The following HRNR variants were observed in gnomAD, a reference collection of about 807,000 sequenced individuals.
The protein encoded by HRNR is hornerin.
Under a neutral mutation model 4.8 loss-of-function variants are expected in HRNR, and 7 were observed. That is an observed-to-expected ratio of 1.47 (90% confidence interval 0.83 to 2.75). HRNR has a LOEUF of 2.75. Among genes scored for constraint, HRNR ranks in the 30% most tolerant of loss-of-function variants. The pLI, the probability that HRNR is intolerant of heterozygous loss-of-function variation, is 0.00. For synonymous variants in HRNR, 1,023 were observed against 1,242.7 expected, an observed-to-expected ratio of 0.82 and a Z score of 3.72; for missense variants, 2,879 against 3,010.4, an observed-to-expected ratio of 0.96 and a Z score of 1.02.
rs150171173 is a variant in HRNR, at chr1:152,218,641, G to A, written c.2988C>T (p.His996=). Residue 996 remains histidine, a synonymous_variant, in exon 3 of 3, where the codon CAC becomes CAT. Coordinates refer to ENST00000368801, the MANE Select transcript of HRNR (RefSeq NM_001009931.3). ...HGSGSRQSLG[H]GQHGSGSGQS... is the part of the protein sequence containing the mutation. ...GGCCAGATCCAGACCCATGTTGGCC[G>A]TGGCCCAAAGACTGACGGGAGCCAG... 6.9e-5 allele frequency: 112 copies of A among 1,612,478 alleles called. No homozygotes were observed. The highest frequency in any genetic ancestry group is 3.3e-4 in the Middle Eastern group (2 of 6,048).
chr1:152,220,700 A>T lies in HRNR; in HGVS notation c.929T>A (p.Val310Asp). The T allele has an allele frequency of 6.2e-7, 1 of 1,611,294 alleles. No homozygotes were observed. The highest frequency in any genetic ancestry group is 8.5e-7 in the Non-Finnish European group (1 of 1,179,054). ...GTGCCCCGAACCGGACCCATGTCGGACGTGGCTAGGAGACTGGCGAGATCC... is the reference window on the plus strand; with the variant it reads ...GTGCCCCGAACCGGACCCATGTCGGTCGTGGCTAGGAGACTGGCGAGATCC... Reference protein sequence around the residue: ...GSGSRQSPSHVRHGSGSGHSS... With the variant: ...GSGSRQSPSHDRHGSGSGHSS... The change falls in exon 3 of 3, where the codon GTC (valine) becomes GAC (aspartate). Residue 310 changes from valine to aspartate, a missense_variant. Around this residue, in one of 8 missense-constraint regions of HRNR, gnomAD observed 2,646 missense variants for 1,377.7 expected, o/e 1.92. Transcript: ENST00000368801.
At position 152,220,649 on chromosome 1, in the gene HRNR, G is replaced by T. The variant is rs377246304; in HGVS notation, c.980C>A (p.Ser327Tyr). 6.2e-7 allele frequency: 1 copy of T among 1,612,190 alleles called. No individual in the cohort carries two copies. The highest frequency in any genetic ancestry group is 8.5e-7 in the Non-Finnish European group (1 of 1,178,656). Residue 327 changes from serine to tyrosine, a missense_variant, in exon 3 of 3, where the codon TCT (serine) becomes TAT (tyrosine). Ser to Tyr is a moderately radical substitution (Grantham distance 144). This residue lies in a region of HRNR where 2,646 missense variants were observed against 1,377.7 expected (regional missense o/e 1.92). Transcript: ENST00000368801. ...GHSSSHGQHG[S>Y]GSSYSYSRGH... ...ACGGCTGTAAGAGTAACTTGAGCCA[G>T]ACCCGTGTTGGCCGTGGCTGGAGGA... is the stretch of plus-strand genomic sequence containing the variant.
At chr1:152,222,183 G>A (rs1649025004) in intron 2 of HRNR, among the ~76,000 whole-genome samples, 1 of 152,138 alleles carries the variant, frequency 6.6e-6, no homozygotes, top group East Asian at 1.9e-4. Flanking sequence ...ATGAACAAAG[G>A]GCTAGAGGTG....
chr1:152,219,258 G>C lies in HRNR; in HGVS notation c.2371C>G (p.His791Asp), dbSNP rs748525034. ...HGSSSGHSSS[H>D]GQHGSGTSCS... Reference sequence around the variant, plus strand: ...CTTGTGCCAGACCCGTGTTGGCCGTGGCTGGAGGAGTGCCCTGAACTGGAC... The same window carrying C: ...CTTGTGCCAGACCCGTGTTGGCCGTCGCTGGAGGAGTGCCCTGAACTGGAC... Residue 791 changes from histidine to aspartate, a missense_variant, in exon 3 of 3, where the codon CAC becomes GAC. Physicochemically the swap from His to Asp is moderately conservative, Grantham distance 81. Around this residue, in one of 8 missense-constraint regions of HRNR, gnomAD observed 2,646 missense variants for 1,377.7 expected, o/e 1.92. Transcript: ENST00000368801. 1.9e-6 allele frequency: 3 copies of C among 1,610,614 alleles called. No individual in the cohort carries two copies. The highest frequency in any genetic ancestry group is 3.3e-4 in the Middle Eastern group (2 of 6,028).
rs767313028 is a variant in HRNR at position 152,219,654 on chromosome 1, A to G, written c.1975T>C (p.Ser659Pro). 2 of 1,613,046 alleles carry G rather than the reference A, an allele frequency of 1.2e-6. No individual in the cohort carries two copies. Among genetic ancestry groups the G allele is most frequent in the South Asian group, 1.1e-5 (1 of 91,062 alleles). Residue 659 changes from serine (S) to proline (P), a missense_variant, in exon 3 of 3, where the codon TCT becomes CCT. Around this residue, in one of 8 missense-constraint regions of HRNR, gnomAD observed 2,646 missense variants for 1,377.7 expected, o/e 1.92. Coordinates refer to ENST00000368801, the MANE Select transcript of HRNR (RefSeq NM_001009931.3). Reference sequence around the variant, plus strand: ...GACCCATGTCGGCCGCGACTAGGAGACTGGCCAGATCCAGAGCCCTGTTGG... The same window carrying G: ...GACCCATGTCGGCCGCGACTAGGAGGCTGGCCAGATCCAGAGCCCTGTTGG... ...YGQQGSGSGQSPSRGRHGSDF... is the reference protein window; with the variant it reads ...YGQQGSGSGQPPSRGRHGSDF...
rs756150458 is a variant in HRNR, at chr1:152,220,654, G to T, written c.975C>A (p.His325Gln). ...TGTAAGAGTAACTTGAGCCAGACCC[G>T]TGTTGGCCGTGGCTGGAGGAGTGCC... ...GSGHSSSHGQ[H>Q]GSGSSYSYSR... Residue 325 changes from histidine (H) to glutamine (Q), a missense_variant, in exon 3 of 3, where the codon CAC becomes CAA. His to Gln is a conservative substitution (Grantham distance 24). Transcript: ENST00000368801. 1 of 1,612,278 alleles carries T rather than the reference G, an allele frequency of 6.2e-7. No individual in the cohort carries two copies. The highest frequency in any genetic ancestry group is 8.5e-7 in the Non-Finnish European group (1 of 1,178,820).
Position 152,223,106 on chromosome 1 carries a change from G to T in HRNR, c.138+10C>A, listed in dbSNP as rs1649052546. ...TCCTGCATAACTCCATCCTGGCGTG[G>T]AGTTCTTACCTTCAGAATTTGATGA... On this transcript the variant is annotated intron_variant, in intron 2 of 2. Coordinates refer to ENST00000368801, the MANE Select transcript of HRNR (RefSeq NM_001009931.3). 2 of 1,612,524 alleles carry T rather than the reference G, an allele frequency of 1.2e-6. No homozygotes were observed. The highest frequency in any genetic ancestry group is 1.7e-6 in the Non-Finnish European group (2 of 1,179,366).
At position 152,218,610 on chromosome 1, in the gene HRNR, G is replaced by A. The variant is rs550826521; in HGVS notation, c.3019C>T (p.Pro1007Ser). ...CCATGTCGGCCACGGCTAGGGCTAG[G>A]AGACTGGCCAGATCCAGACCCATGT... Reference protein sequence around the residue: ...GQHGSGSGQSPSPSRGRHGSG... With the variant: ...GQHGSGSGQSSSPSRGRHGSG... Residue 1007 changes from proline (P) to serine (S), a missense_variant, in exon 3 of 3, where the codon CCT (proline) becomes TCT (serine). By Grantham distance (74) the Pro-to-Ser change is moderately conservative (BLOSUM62 -1). Around this residue, in one of 8 missense-constraint regions of HRNR, gnomAD observed 2,646 missense variants for 1,377.7 expected, o/e 1.92. Transcript: ENST00000368801. 6.2e-7 allele frequency: 1 copy of A among 1,613,534 alleles called. No individual in the cohort carries two copies. The highest frequency in any genetic ancestry group is 2.2e-5 in the East Asian group (1 of 44,792).
At chr1:152,221,790 A>G (rs1355289243) in intron 2 of HRNR, among the ~76,000 whole-genome samples, 1 of 152,144 alleles carries the variant, frequency 6.6e-6, no homozygotes, top group Non-Finnish European at 1.5e-5. Context: ...TTTATAAGTA[A>G]TATGTTTTTA....
At chr1:152,221,644 CA>C (rs1649007776) in intron 2 of HRNR, among the ~76,000 whole-genome samples, 154 bp from the exon 3 acceptor site, 1 of 151,752 alleles carries the variant, frequency 6.6e-6, no homozygotes, top group Non-Finnish European at 1.5e-5. Context: ...GTATCCTGAG[CA>C]GAAAGAGAAA....
Position 152,218,486 on chromosome 1 carries a change from G to T in HRNR, c.3143C>A (p.Ser1048Tyr). ...GPYESGSGHS[S>Y]GLGHRESRSG... ...GCGAGACTCTCGGTGACCTAAGCCA[G>T]AAGAGTGACCGGAGCCAGACTCATA... is the stretch of plus-strand genomic sequence containing the variant. Residue 1048 changes from serine (S) to tyrosine (Y), a missense_variant, in exon 3 of 3, where the codon TCT (serine) becomes TAT (tyrosine). Transcript: ENST00000368801. The T allele has an allele frequency of 2.5e-6, 4 of 1,613,870 alleles. No individual in the cohort carries two copies. The highest frequency in any genetic ancestry group is 3.4e-6 in the Non-Finnish European group (4 of 1,180,002).
rs779637651 is a variant in HRNR, at chr1:152,221,311, G to T, written c.318C>A (p.His106Gln). The T allele has an allele frequency of 4.2e-5, 67 of 1,613,812 alleles. No individual in the cohort carries two copies. The highest frequency in any genetic ancestry group is 5.3e-5 in the Non-Finnish European group (62 of 1,180,006). ...VSGSKLRDDT[H>Q]QHQEEQEETE... ...TTTCTTCTTGTTCCTCTTGGTGCTGGTGAGTGTCATCTCTCAGCTTTGACC... is the reference window on the plus strand; with the variant it reads ...TTTCTTCTTGTTCCTCTTGGTGCTGTTGAGTGTCATCTCTCAGCTTTGACC... Residue 106 changes from histidine to glutamine, a missense_variant, in exon 3 of 3, where the codon CAC (histidine) becomes CAA (glutamine). Transcript: ENST00000368801.
rs757647618 is a variant in HRNR, at chr1:152,218,339, C to A, written c.3290G>T (p.Gly1097Val). The stretch of plus-strand genomic sequence containing the variant: ...ATGCTGACCGTGGCTGGAAGACTGA[C>A]CTGAGCTAGCTCCATGTTGGCCACA... Reference protein sequence around the residue: ...SSCGQHGASSGQSSSHGQHGS... With the variant: ...SSCGQHGASSVQSSSHGQHGS... Residue 1097 changes from glycine (G) to valine (V), a missense_variant, in exon 3 of 3, where the codon GGT becomes GTT. Gly to Val is a moderately radical substitution (Grantham distance 109). Coordinates refer to ENST00000368801, the MANE Select transcript of HRNR (RefSeq NM_001009931.3). The A allele has an allele frequency of 3.7e-6, 6 of 1,610,600 alleles. No homozygotes were observed. The Admixed American group carries it at 5.0e-5, about 13-fold the overall frequency.
Position 152,220,712 on chromosome 1 carries a change from G to C in HRNR, c.917C>G (p.Ser306Cys). The change falls in exon 3 of 3, where the codon TCT becomes TGT. Residue 306 changes from serine (S) to cysteine (C), a missense_variant. Ser to Cys is a moderately radical substitution (Grantham distance 112). This residue lies in a region of HRNR where 2,646 missense variants were observed against 1,377.7 expected (regional missense o/e 1.92). Transcript: ENST00000368801. ...GGACCCATGTCGGACGTGGCTAGGA[G>C]ACTGGCGAGATCCAGACCCTTGTCG... ...HGRQGSGSRQSPSHVRHGSGS... is the reference protein window; with the variant it reads ...HGRQGSGSRQCPSHVRHGSGS... 1 of 1,613,222 alleles carries C rather than the reference G, an allele frequency of 6.2e-7. No individual in the cohort carries two copies. The highest frequency in any genetic ancestry group is 8.5e-7 in the Non-Finnish European group (1 of 1,179,490).
At position 152,219,482 on chromosome 1, in the gene HRNR, T is replaced by C. The variant is rs750565447; in HGVS notation, c.2147A>G (p.His716Arg). 8.7e-6 allele frequency: 14 copies of C among 1,613,838 alleles called. No individual in the cohort carries two copies. In the South Asian group the frequency reaches 1.4e-4, roughly 16 times the overall value. The part of the protein sequence containing the change: ...GSGQSSGYSQ[H>R]GSGSSHSSGY... ...GGAGGAGTGACTTGAGCCAGATCCA[T>C]GCTGACTGTAACCAGAGGACTGCCC... is the stretch of plus-strand genomic sequence containing the variant. Residue 716 changes from histidine (H) to arginine (R), a missense_variant, in exon 3 of 3, where the codon CAT becomes CGT. Physicochemically the swap from His to Arg is conservative, Grantham distance 29 (BLOSUM62 0). Around this residue, in one of 8 missense-constraint regions of HRNR, gnomAD observed 2,646 missense variants for 1,377.7 expected, o/e 1.92. Coordinates refer to ENST00000368801, the MANE Select transcript of HRNR (RefSeq NM_001009931.3).
Position 152,220,039 on chromosome 1 carries a change from G to T in HRNR, c.1590C>A (p.His530Gln). The T allele has an allele frequency of 1.2e-6, 2 of 1,613,726 alleles. No individual in the cohort carries two copies. Among genetic ancestry groups the T allele is most frequent in the Non-Finnish European group, 1.7e-6 (2 of 1,179,884 alleles). Residue 530 changes from histidine (H) to glutamine (Q), a missense_variant, in exon 3 of 3, where the codon CAC becomes CAA. Coordinates refer to ENST00000368801, the MANE Select transcript of HRNR (RefSeq NM_001009931.3). ...HGSGSRQSLG[H>Q]SRHGSGSGQS... ...GGCCAGATCCAGACCCATGTCGGCT[G>T]TGTCCCAAAGATTGACGGGAGCCAG...
chr1:152,220,750 A>G lies in HRNR; in HGVS notation c.879T>C (p.Ser293=). The G allele has an allele frequency of 1.2e-6, 2 of 1,614,108 alleles. No individual in the cohort carries two copies. The highest frequency in any genetic ancestry group is 1.1e-5 in the South Asian group (1 of 91,090). The change falls in exon 3 of 3, where the codon TCT becomes TCC. Residue 293 remains serine (S), a synonymous_variant. Transcript: ENST00000368801. ...CAGACCCTTGTCGGCCGTGGCCCAA[A>G]GACTGACGGGAACCAGACCCATGCT... ...YGQHGSGSRQ[S]LGHGRQGSGS...
chr1:152,220,238 C>G lies in HRNR; in HGVS notation c.1391G>C (p.Gly464Ala). ...PYVSGSGYSS[G>A]FGHHESSSEH... ...TGAGCTAGACTCGTGGTGACCAAAGCCAGAAGAGTAGCCTGAACCAGACAC... is the reference window on the plus strand; with the variant it reads ...TGAGCTAGACTCGTGGTGACCAAAGGCAGAAGAGTAGCCTGAACCAGACAC... The change falls in exon 3 of 3, where the codon GGC becomes GCC. Residue 464 changes from glycine to alanine, a missense_variant. Gly to Ala is a moderately conservative substitution (Grantham distance 60). Coordinates refer to ENST00000368801, the MANE Select transcript of HRNR (RefSeq NM_001009931.3). 6.2e-7 allele frequency: 1 copy of G among 1,613,534 alleles called. No homozygotes were observed. Among genetic ancestry groups the G allele is most frequent in the Non-Finnish European group, 8.5e-7 (1 of 1,179,658 alleles).
chr1:152,218,803 A>G lies in HRNR; in HGVS notation c.2826T>C (p.Ser942=). 2.5e-6 allele frequency: 4 copies of G among 1,613,726 alleles called. No homozygotes were observed. Among genetic ancestry groups the G allele is most frequent in the South Asian group, 1.1e-5 (1 of 91,048 alleles). The change falls in exon 3 of 3, where the codon TCT becomes TCC. Residue 942 remains serine (S), a synonymous_variant. Coordinates refer to ENST00000368801, the MANE Select transcript of HRNR (RefSeq NM_001009931.3). ...FGHKSSSGQS[S]GYTQHGSGSG... is the part of the protein sequence containing the mutation. Reference sequence around the variant, plus strand: ...AGCCAGATCCATGCTGAGTGTAACCAGAGGACTGCCCTGAGCTAGACTTGT... The same window carrying G: ...AGCCAGATCCATGCTGAGTGTAACCGGAGGACTGCCCTGAGCTAGACTTGT...
Sources: allele counts gnomAD v4.1 joint callset (sites outside exome capture counted in the v4.1 genomes callset), GRCh38; gene constraint gnomAD v4.1.1; regional missense constraint gnomAD v4.1.1; transcripts MANE v1.5; gene names NCBI Gene and HGNC (gene_info 2026-07-23, HGNC 2026-07-21).